Variants in TUBGCP3 observed in about 807,000 individuals in gnomAD.
TUBGCP3 encodes tubulin gamma complex component 3.
TUBGCP3 carries 50 observed loss-of-function variants against 123.1 expected under a neutral mutation model. That is an observed-to-expected ratio of 0.41 (90% CI 0.32 to 0.51). The LOEUF is 0.51. Among genes scored for constraint, TUBGCP3 ranks in the 20% least tolerant of loss-of-function variants. The pLI is 0.36. For missense variants in TUBGCP3, 882 were observed against 1,127.0 expected, an observed-to-expected ratio of 0.78 and a Z score of 3.11; for synonymous variants, 405 against 413.9, an observed-to-expected ratio of 0.98 and a Z score of 0.26.
intron 7 of TUBGCP3, 46 bp from the exon 8 acceptor site, chr13:112,554,228 A>C (rs745794802): frequency 1.3e-5 from 21 of 1,603,028 alleles, no homozygotes; most frequent in Non-Finnish European, 1.8e-5. Flanking sequence ...AAGCAATACT[A>C]GAGCTTTAAT....
chr13:112,527,654 T>A (rs1877246088), intron 11 of TUBGCP3, among the ~76,000 whole-genome samples, 170 bp from the exon 12 acceptor site: 1 of 152,228 alleles, frequency 6.6e-6, no homozygotes, highest in Admixed American at 6.5e-5. Context: ...CTCTCTAAAT[T>A]GAACTATGTA....
At chr13:112,570,077 GA>G (rs1403426187) in intron 1 of TUBGCP3, among the ~76,000 whole-genome samples, 1 of 152,078 alleles carries the variant, frequency 6.6e-6, no homozygotes, top group African/African-American at 2.4e-5. Flanking sequence ...AGTTTGGACG[GA>G]AACAGACTCC....
intron 11 of TUBGCP3, among the ~76,000 whole-genome samples, chr13:112,534,777 T>A (rs1877905916): frequency 6.6e-6 from 1 of 152,162 alleles, no homozygotes. Context: ...CATTTTTTTT[T>A]AGAGGAAATT....
In TUBGCP3 at chr13:112,485,699, G is replaced by GAA. The variant is rs1879609952; in HGVS notation, c.*292_*293dup. On this transcript the variant is annotated 3_prime_UTR_variant, in exon 22 of 22. Transcript: ENST00000261965. ...AGTGACAAATATAAATTATAACATAGAAAGCTTAAGAAGCCTCAGCAAATT... is the reference window on the plus strand; with the variant it reads ...AGTGACAAATATAAATTATAACATAGAAAAAGCTTAAGAAGCCTCAGCAAATT... 1 of 341,654 alleles carries GAA rather than the reference G, an allele frequency of 2.9e-6. No individual in the cohort carries two copies. Among genetic ancestry groups the GAA allele is most frequent in the Admixed American group, 4.6e-5 (1 of 21,764 alleles). 21.2% of individuals were successfully genotyped at this position (341,654 alleles called of 1,614,324 possible).
Position 112,508,248 on chromosome 13 carries a change from C to T in TUBGCP3, c.2087-3534G>A, listed in dbSNP as rs1209257788. Among the ~76,000 whole-genome samples, 1 of 152,210 alleles carries T rather than the reference C, an allele frequency of 6.6e-6. No homozygotes were observed. The highest frequency in any genetic ancestry group is 1.9e-4 in the East Asian group (1 of 5,186). On this transcript the variant is annotated intron_variant, in intron 17 of 21. Transcript: ENST00000261965. This position sits in a 1 kb window ranked among gnomAD's most constrained non-coding sequence, Gnocchi z 4.2. Reference sequence around the variant, plus strand: ...CTTAAAAGGCCAACCCGTATCCCCTCACTCTGAATCCATCTATTCCTCCTC... The same window carrying T: ...CTTAAAAGGCCAACCCGTATCCCCTTACTCTGAATCCATCTATTCCTCCTC...
chr13:112,547,091 GA>G (rs1879068431), intron 10 of TUBGCP3: 2 of 219,616 alleles, frequency 9.1e-6, no homozygotes, highest in Non-Finnish European at 1.8e-5. Context: ...TAGCAATACA[GA>G]ACCTAGAGCC....
intron 1 of TUBGCP3, among the ~76,000 whole-genome samples, chr13:112,585,183 A>G (rs981842150): frequency 6.6e-6 from 1 of 152,254 alleles, no homozygotes; most frequent in Non-Finnish European, 1.5e-5. Flanking sequence ...GCCAATTGTA[A>G]TATGTCATCA....
chr13:112,565,242 T>A, intron 2 of TUBGCP3, 64 bp from the exon 3 acceptor site: 1 of 1,388,864 alleles, frequency 7.2e-7, no homozygotes, highest in Non-Finnish European at 1.0e-6. Flanking sequence ...CTTATGATAC[T>A]ATTTCACCTA....
chr13:112,529,797 C>T (rs1473134979), intron 11 of TUBGCP3, among the ~76,000 whole-genome samples: 10 of 152,214 alleles, frequency 6.6e-5, no homozygotes, highest in Admixed American at 6.5e-5. Context: ...TGATGCATGG[C>T]AGCTGAGTTC....
chr13:112,503,107 G>T (rs1484961799), intron 19 of TUBGCP3, among the ~76,000 whole-genome samples: 1 of 152,170 alleles, frequency 6.6e-6, no homozygotes, highest in African/African-American at 2.4e-5. Flanking sequence ...GGCCCAGCTG[G>T]AGGCAGCCCC....
At chr13:112,597,581 A>G in the TUBGCP3 span, among the ~76,000 whole-genome samples, 10 of 152,348 alleles carry the variant, frequency 6.6e-5, no homozygotes, top group African/African-American at 2.4e-4. Context: ...AGGGAAATCA[A>G]AGAAAAGATT....
intron 11 of TUBGCP3, among the ~76,000 whole-genome samples, chr13:112,531,294 G>A (rs767749478): frequency 2.0e-5 from 3 of 152,202 alleles, no homozygotes; most frequent in Admixed American, 6.5e-5. Context: ...AAGTATCAAT[G>A]TAAATGACTG....
chr13:112,504,527 T>A, intron 18 of TUBGCP3, 99 bp downstream of exon 18: 2 of 822,940 alleles, frequency 2.4e-6, no homozygotes, highest in Non-Finnish European at 3.7e-6. Context: ...TATACACATA[T>A]ATATACACAC....
intron 21 of TUBGCP3, among the ~76,000 whole-genome samples, chr13:112,487,227 C>A (rs1879745174): frequency 6.6e-6 from 1 of 152,124 alleles, no homozygotes; most frequent in South Asian, 2.1e-4. Flanking sequence ...TGTGGAACTA[C>A]TAAAAGGAAA....
In TUBGCP3 at chr13:112,545,710, T is replaced by C. The variant is rs1878932332; in HGVS notation, c.1324A>G (p.Thr442Ala). 3 of 1,613,034 alleles carry C rather than the reference T, an allele frequency of 1.9e-6. No homozygotes were observed. The highest frequency in any genetic ancestry group is 2.5e-6 in the Non-Finnish European group (3 of 1,179,168). ...RWIYDGELEDTYHEFFVASDP... is the reference protein window; with the variant it reads ...RWIYDGELEDAYHEFFVASDP... ...ACACCGATCCTTACTTCGTGGTAAG[T>C]GTCCTCAAGCTCCCCATCATATATC... is the stretch of plus-strand genomic sequence containing the variant. The change falls in exon 11 of 22, where the codon ACT becomes GCT. Residue 442 changes from threonine (T) to alanine (A), a missense_variant. Physicochemically the swap from Thr to Ala is moderately conservative, Grantham distance 58 (BLOSUM62 0). Coordinates refer to ENST00000261965, the MANE Select transcript of TUBGCP3 (RefSeq NM_006322.6). This position sits in a 1 kb window ranked among gnomAD's most constrained non-coding sequence, Gnocchi z 4.1.
At chr13:112,522,933 G>A (rs1876743046) in intron 13 of TUBGCP3, among the ~76,000 whole-genome samples, 1 of 152,220 alleles carries the variant, frequency 6.6e-6, no homozygotes, top group South Asian at 2.1e-4. Context: ...AAGTTGAGTA[G>A]TAGTATCATG....
chr13:112,533,825 A>C (rs886860702), intron 11 of TUBGCP3, among the ~76,000 whole-genome samples: 1 of 98,904 alleles, frequency 1.0e-5, no homozygotes. Flanking sequence ...TTAATTTTCT[A>C]TTTCCATAGG....
In TUBGCP3 at chr13:112,519,076, C is replaced by A. The variant is rs765868377; in HGVS notation, c.1882-33G>T. 2 of 1,545,964 alleles carry A rather than the reference C, an allele frequency of 1.3e-6. No individual in the cohort carries two copies. Among genetic ancestry groups the A allele is most frequent in the African/African-American group, 2.7e-5 (2 of 73,488 alleles). The stretch of plus-strand genomic sequence containing the variant: ...CAGAAACAAACACATAATTGCAAGA[C>A]CTTAAGCTTCTTGCTGAAGAACTTG... On this transcript the variant is annotated intron_variant, in intron 15 of 21. Coordinates refer to ENST00000261965, the MANE Select transcript of TUBGCP3 (RefSeq NM_006322.6). The surrounding 1 kb of genome is among the most constrained non-coding windows in gnomAD (Gnocchi z 6.2).
At chr13:112,491,621 G>C (rs1234499217) in intron 20 of TUBGCP3, among the ~76,000 whole-genome samples, 2 of 152,172 alleles carry the variant, frequency 1.3e-5, no homozygotes, top group East Asian at 1.9e-4. Flanking sequence ...TTCTACACCA[G>C]AACTTCCCAA....
Sources: gnomAD v4.1 joint callset for allele counts (sites outside exome capture counted in the v4.1 genomes callset) on GRCh38, gnomAD v4.1.1 for gene constraint, Gnocchi (gnomAD v3.1) non-coding constraint, MANE v1.5 for transcripts, NCBI Gene and HGNC (gene_info 2026-07-23, HGNC 2026-07-21) for gene names.